Variants in HS3ST4 observed in about 807,000 individuals in gnomAD.
HS3ST4 encodes heparan sulfate glucosamine 3-O-sulfotransferase 4.
In HS3ST4, 17 loss-of-function variants were observed where a neutral mutation model predicts 29.2. That is an observed-to-expected ratio of 0.58 (90% CI 0.40 to 0.87). HS3ST4 has a LOEUF of 0.87. Ranked by LOEUF, HS3ST4 falls within the 40% of genes least tolerant of loss-of-function variation. The probability of loss-of-function intolerance (pLI) is 0.00; values close to 1 mark genes in which losing one functional copy is unlikely to be tolerated. For synonymous variants in HS3ST4, 314 were observed against 285.7 expected (o/e 1.10, Z -1.00); for missense variants, 627 against 634.5 (o/e 0.99, Z 0.13).
intron 1 of HS3ST4, among the ~76,000 whole-genome samples, chr16:26,019,568 G>A (rs1969392172): frequency 6.6e-6 from 1 of 152,086 alleles, no homozygotes; most frequent in South Asian, 2.1e-4. Context: ...TAGCATTCTG[G>A]CAACAGAGTG....
At chr16:25,772,560 G>A (rs1966843879) in intron 1 of HS3ST4, among the ~76,000 whole-genome samples, 1 of 152,154 alleles carries the variant, frequency 6.6e-6, no homozygotes, top group Non-Finnish European at 1.5e-5. Flanking sequence ...TGTGTTTAGG[G>A]ATTGAACAAA....
At chr16:25,942,536 T>C in intron 1 of HS3ST4, among the ~76,000 whole-genome samples, 1 of 151,996 alleles carries the variant, frequency 6.6e-6, no homozygotes, top group Non-Finnish European at 1.5e-5. Flanking sequence ...AAACAGGCTG[T>C]CTCTTCATAG....
intron 1 of HS3ST4, among the ~76,000 whole-genome samples, chr16:26,039,926 T>C (rs1458387571): frequency 6.6e-6 from 1 of 152,224 alleles, no homozygotes; most frequent in Non-Finnish European, 1.5e-5. Flanking sequence ...GTTTTCATTA[T>C]TGCAACAATG....
In HS3ST4 at chr16:25,895,845, A is replaced by T. The variant is rs528504365; in HGVS notation, c.734+202694A>T. Among the ~76,000 whole-genome samples, 4 of 152,272 alleles carry T rather than the reference A, an allele frequency of 2.6e-5. No individual in the cohort carries two copies. The East Asian group carries it at 5.8e-4, about 22-fold the overall frequency. Reference sequence around the variant, plus strand: ...GACCTAATCACTTCCCCAAAGCCTCATCTTCTGACAACACTATATTGGGAA... The same window carrying T: ...GACCTAATCACTTCCCCAAAGCCTCTTCTTCTGACAACACTATATTGGGAA... On this transcript the variant is annotated intron_variant, in intron 1 of 1. Coordinates refer to ENST00000331351, the MANE Select transcript of HS3ST4 (RefSeq NM_006040.3).
chr16:25,909,761 G>A (rs1307392400), intron 1 of HS3ST4, among the ~76,000 whole-genome samples: 1 of 152,196 alleles, frequency 6.6e-6, no homozygotes, highest in East Asian at 1.9e-4. Context: ...GCAAAATTAG[G>A]CAAATTGTCT....
chr16:25,754,400 C>G (rs1337994638), intron 1 of HS3ST4, among the ~76,000 whole-genome samples: 1 of 151,876 alleles, frequency 6.6e-6, no homozygotes, highest in East Asian at 1.9e-4. Flanking sequence ...ATCCACCCAC[C>G]CACGTGTCTG....
At chr16:25,791,426 C>G (rs1366704064) in intron 1 of HS3ST4, among the ~76,000 whole-genome samples, 2 of 152,016 alleles carry the variant, frequency 1.3e-5, no homozygotes. Context: ...TCCACAAAAA[C>G]AAAATATTGG....
At chr16:26,122,986 G>A (rs112222043) in intron 1 of HS3ST4, among the ~76,000 whole-genome samples, 25 of 151,938 alleles carry the variant, frequency 1.6e-4, no homozygotes, top group African/African-American at 5.5e-4. Context: ...CCTTGGAGGC[G>A]GAGTTTGCAG....
intron 1 of HS3ST4, among the ~76,000 whole-genome samples, chr16:25,811,739 A>G (rs571346921): frequency 6.6e-6 from 1 of 151,952 alleles, no homozygotes; most frequent in African/African-American, 2.4e-5. Context: ...GGCCAGTAAC[A>G]TTTTCTTTTG....
At chr16:25,951,177 T>A (rs543733793) in intron 1 of HS3ST4, among the ~76,000 whole-genome samples, 1 of 152,314 alleles carries the variant, frequency 6.6e-6, no homozygotes, top group Non-Finnish European at 1.5e-5. Flanking sequence ...GATCAGAGGC[T>A]GAAGTCAGCA....
intron 1 of HS3ST4, among the ~76,000 whole-genome samples, chr16:25,714,143 C>CA (rs201673247): frequency 1.3e-3 from 203 of 151,454 alleles, no homozygotes; most frequent in African/African-American, 4.1e-3. Context: ...CTCCCCGTTC[C>CA]AAAAAAAAGC....
intron 1 of HS3ST4, among the ~76,000 whole-genome samples, chr16:25,801,167 A>G (rs893587801): frequency 6.6e-6 from 1 of 152,098 alleles, no homozygotes; most frequent in Non-Finnish European, 1.5e-5. Context: ...GACCACTGTT[A>G]TATACGCACA....
At chr16:25,771,478 C>T (rs532033226) in intron 1 of HS3ST4, among the ~76,000 whole-genome samples, 17 of 152,042 alleles carry the variant, frequency 1.1e-4, no homozygotes, top group African/African-American at 3.6e-4. Flanking sequence ...ACAGACTCTC[C>T]TCTCTGCTTG....
At chr16:25,954,265 T>C (rs932856414) in intron 1 of HS3ST4, among the ~76,000 whole-genome samples, 1 of 152,202 alleles carries the variant, frequency 6.6e-6, no homozygotes, top group African/African-American at 2.4e-5. Flanking sequence ...AAGCCAAACC[T>C]AATCCCAAAT....
chr16:25,899,505 T>A (rs201892188), intron 1 of HS3ST4, among the ~76,000 whole-genome samples: 1 of 17,360 alleles, frequency 5.8e-5, no homozygotes, highest in African/African-American at 1.5e-4. Context: ...CCTTTTTAAA[T>A]TTTTTTTTTT....
At chr16:25,894,222 A>AG (rs1407241151) in intron 1 of HS3ST4, among the ~76,000 whole-genome samples, 1 of 152,074 alleles carries the variant, frequency 6.6e-6, no homozygotes, top group African/African-American at 2.4e-5. Flanking sequence ...TGTTCTGTGA[A>AG]GGGGGCAGGG....
rs1010557475 is a variant in HS3ST4, at chr16:25,910,672, A to G, written c.734+217521A>G. On this transcript the variant is annotated intron_variant, in intron 1 of 1. Coordinates refer to ENST00000331351, the MANE Select transcript of HS3ST4 (RefSeq NM_006040.3). ...CAAAAAAAAAAAAGTTAAACAAAAA[A>G]AACAAGTTTATGCAAGCGGCATAGA... Among the ~76,000 whole-genome samples the G allele has an allele frequency of 2.6e-5, 4 of 152,128 alleles. No individual in the cohort carries two copies. The East Asian group carries it at 5.8e-4, about 22-fold the overall frequency.
intron 1 of HS3ST4, among the ~76,000 whole-genome samples, chr16:25,803,847 T>G (rs1358307062): frequency 6.6e-6 from 1 of 152,184 alleles, no homozygotes; most frequent in Admixed American, 6.5e-5. Context: ...TGTTCCTTGG[T>G]AGAACTAAAA....
chr16:25,890,243 T>C (rs560010412), intron 1 of HS3ST4, among the ~76,000 whole-genome samples: 1 of 152,316 alleles, frequency 6.6e-6, no homozygotes, highest in Non-Finnish European at 1.5e-5. Flanking sequence ...GCAGAGCCTG[T>C]ATTTATACCT....
Sources: allele counts gnomAD v4.1 joint callset (sites outside exome capture counted in the v4.1 genomes callset), GRCh38; gene constraint gnomAD v4.1.1; transcripts MANE v1.5; gene names NCBI Gene and HGNC (gene_info 2026-07-23, HGNC 2026-07-21).